The following MTDH variants were observed in gnomAD, a reference collection of about 807,000 sequenced individuals.
MTDH encodes the protein metadherin, also known as protein LYRIC.
Under a neutral mutation model 72.7 loss-of-function variants are expected in MTDH, and 34 were observed. That is an observed-to-expected ratio of 0.47 (90% CI 0.36 to 0.62). The LOEUF (loss-of-function observed/expected upper bound fraction) is 0.62. MTDH is among the 20% of genes least tolerant of loss of function. MTDH has a pLI of 0.00. For synonymous variants in MTDH, 266 were observed against 268.9 expected (o/e 0.99, Z 0.10); for missense variants, 677 against 699.4 (o/e 0.97, Z 0.36).
chr8:97,677,180 CAAAAAAAAAAAAAA>C (rs71271142), intron 2 of MTDH, among the ~76,000 whole-genome samples: 20,054 of 43,568 alleles, frequency 0.46, 2,062 homozygotes, highest in East Asian at 0.56. Context: ...AAGCCTGTCT[CAAAAAAAAAAAAAA>C]AAAAAAAAAA....
chr8:97,706,564 G>A (rs1814361566), intron 7 of MTDH, 62 bp from the exon 8 acceptor site: 2 of 1,446,746 alleles, frequency 1.4e-6, no homozygotes, highest in African/African-American at 1.4e-5. Flanking sequence ...GGAATTTTTA[G>A]TTTTTGCCTT....
intron 1 of MTDH, among the ~76,000 whole-genome samples, chr8:97,652,591 G>C (rs192679879): frequency 6.6e-6 from 1 of 152,108 alleles, no homozygotes; most frequent in Non-Finnish European, 1.5e-5. Context: ...ACTGCCTGGC[G>C]TATAAGTGCC....
chr8:97,660,595 T>A (rs949514644), intron 1 of MTDH, among the ~76,000 whole-genome samples: 5 of 152,218 alleles, frequency 3.3e-5, no homozygotes, highest in African/African-American at 1.2e-4. Flanking sequence ...TGAATTTTAT[T>A]TTGCCATACA....
chr8:97,687,312 C>A, intron 3 of MTDH, 117 bp from the exon 4 acceptor site: 1 of 813,624 alleles, frequency 1.2e-6, no homozygotes, highest in Non-Finnish European at 1.8e-6. Context: ...TTGGTTTTAG[C>A]TTAACATCTA....
chr8:97,704,351 G>T (rs1814260508), intron 7 of MTDH, among the ~76,000 whole-genome samples: 1 of 152,198 alleles, frequency 6.6e-6, no homozygotes, highest in Non-Finnish European at 1.5e-5. Context: ...CTAGCACATA[G>T]TAAGTGCTTA....
chr8:97,707,442 GC>G (rs1227847621), intron 8 of MTDH, among the ~76,000 whole-genome samples: 3 of 142,786 alleles, frequency 2.1e-5, no homozygotes, highest in African/African-American at 5.3e-5. Flanking sequence ...AAGCCACCAT[GC>G]CTGGCCTTTT....
chr8:97,689,205 G>A (rs891976488), intron 5 of MTDH, 102 bp downstream of exon 5: 13 of 576,298 alleles, frequency 2.3e-5, no homozygotes, highest in Non-Finnish European at 3.9e-5. Flanking sequence ...AAAGAAAAAA[G>A]TCTTAAAATG....
At chr8:97,711,888 A>T (rs1814654201) in intron 8 of MTDH, among the ~76,000 whole-genome samples, 1 of 152,250 alleles carries the variant, frequency 6.6e-6, no homozygotes, top group African/African-American at 2.4e-5. Flanking sequence ...CAGGTAACTG[A>T]AACTGCAGAA....
intron 2 of MTDH, among the ~76,000 whole-genome samples, chr8:97,662,669 C>A (rs1812219074): frequency 6.6e-6 from 1 of 151,592 alleles, no homozygotes; most frequent in African/African-American, 2.4e-5. Context: ...GCCTGTAATC[C>A]CAGCTACTCG....
Position 97,726,587 on chromosome 8 carries a change from G to A in MTDH, c.*1917G>A, listed in dbSNP as rs1271704937. 2 of 152,168 alleles carry A rather than the reference G, an allele frequency of 1.3e-5. No homozygotes were observed. Among genetic ancestry groups the A allele is most frequent in the Non-Finnish European group, 2.9e-5 (2 of 68,044 alleles). The allele number at this position is 152,168 out of a possible 1,614,324, so 9.4% of individuals were successfully genotyped here. A position where few individuals can be genotyped will look rare whatever the true frequency, so the allele number is the denominator to read the frequency against. On this transcript the variant is annotated 3_prime_UTR_variant, in exon 12 of 12. Coordinates refer to ENST00000336273, the MANE Select transcript of MTDH (RefSeq NM_178812.4). ...CAAAATTCTGTTGGCTTTGTCAAAC[G>A]TTGGATTTTATTTCTGCAGCCTAGT...
At chr8:97,644,960 C>T in intron 1 of MTDH, 73 bp downstream of exon 1, 2 of 1,446,470 alleles carry the variant, frequency 1.4e-6, no homozygotes, top group Non-Finnish European at 1.8e-6. Flanking sequence ...TGGGGGAGGC[C>T]GCGCCCCAGC....
intron 2 of MTDH, among the ~76,000 whole-genome samples, chr8:97,671,089 C>A (rs977777838): frequency 3.9e-5 from 6 of 151,910 alleles, no homozygotes; most frequent in South Asian, 2.1e-4. Context: ...CCTCAGCCTC[C>A]CGAGTAGCTG....
rs1487287852 is a variant in MTDH, at chr8:97,667,909, A to G, written c.483+6736A>G. On this transcript the variant is annotated intron_variant, in intron 2 of 11. Coordinates refer to ENST00000336273, the MANE Select transcript of MTDH (RefSeq NM_178812.4). ...TGAGCTTGACAACTTACCAGTACAT[A>G]AGGAATTTCTAATGACGTTAGTTGG... Among the ~76,000 whole-genome samples, 4 of 152,218 alleles carry G rather than the reference A, an allele frequency of 2.6e-5. No homozygotes were observed. In the South Asian group the frequency reaches 6.2e-4, roughly 24 times the overall value.
intron 8 of MTDH, among the ~76,000 whole-genome samples, chr8:97,712,403 G>T (rs986921163): frequency 6.6e-6 from 1 of 152,228 alleles, no homozygotes; most frequent in African/African-American, 2.4e-5. Flanking sequence ...CCAGGTTGTT[G>T]TATGTGTCAG....
At chr8:97,662,566 G>A (rs1442425053) in intron 2 of MTDH, among the ~76,000 whole-genome samples, 3 of 151,352 alleles carry the variant, frequency 2.0e-5, no homozygotes, top group Admixed American at 6.6e-5. Flanking sequence ...CAGGTGGATC[G>A]CCTGAGGTCA....
intron 9 of MTDH, among the ~76,000 whole-genome samples, chr8:97,716,888 C>T (rs1814894324): frequency 6.6e-6 from 1 of 151,894 alleles, no homozygotes; most frequent in South Asian, 2.1e-4. Context: ...CCCTATGTTA[C>T]CCAGGCTATC....
rs935265747 is a variant in MTDH, at chr8:97,684,011, TGAGGCAGGAGAATCGCTTGAACCCAG to T, written c.484-2629_484-2604del. Among the ~76,000 whole-genome samples, 45 of 152,044 alleles carry T rather than the reference TGAGGCAGGAGAATCGCTTGAACCCAG, an allele frequency of 3.0e-4. No individual in the cohort carries two copies. In the South Asian group the frequency reaches 5.2e-3, roughly 18 times the overall value. On this transcript the variant is annotated intron_variant, in intron 2 of 11. Coordinates refer to ENST00000336273, the MANE Select transcript of MTDH (RefSeq NM_178812.4). ...CTGTAATCCCAGCTTCTCAGGAGGC[TGAGGCAGGAGAATCGCTTGAACCCAG>T]GAGGCAGGAGAATCGCTTGAACCCA... is the stretch of plus-strand genomic sequence containing the variant.
chr8:97,725,495 G>A lies in MTDH; in HGVS notation c.*825G>A, dbSNP rs1325152376. 1 of 152,482 alleles carries A rather than the reference G, an allele frequency of 6.6e-6. No individual in the cohort carries two copies. The highest frequency in any genetic ancestry group is 1.5e-5 in the Non-Finnish European group (1 of 68,000). The allele number at this position is 152,482 out of a possible 1,614,324, so 9.4% of individuals were successfully genotyped here. On this transcript the variant is annotated 3_prime_UTR_variant, in exon 12 of 12. Transcript: ENST00000336273. Reference sequence around the variant, plus strand: ...CTTCCCTAGCAATTACTTTTTTCCAGCTTCAACTCTTCTTAGTTACTAATA... The same window carrying A: ...CTTCCCTAGCAATTACTTTTTTCCAACTTCAACTCTTCTTAGTTACTAATA...
intron 2 of MTDH, among the ~76,000 whole-genome samples, chr8:97,675,939 G>GTTT (rs57318329): frequency 9.5e-6 from 1 of 105,812 alleles, no homozygotes; most frequent in Admixed American, 9.8e-5. Context: ...TTGCAAATAG[G>GTTT]TTTTTTTTTT....
Sources: gnomAD v4.1 joint callset for allele counts (sites outside exome capture counted in the v4.1 genomes callset) on GRCh38, gnomAD v4.1.1 for gene constraint, MANE v1.5 for transcripts, NCBI Gene and HGNC (gene_info 2026-07-23, HGNC 2026-07-21) for gene names.